Variants in PHLPP1 observed in about 807,000 individuals in gnomAD.
PHLPP1 encodes PH domain and leucine rich repeat protein phosphatase 1.
In PHLPP1, 42 loss-of-function variants were observed where a neutral mutation model predicts 117.2. That is an observed-to-expected ratio of 0.36 (90% confidence interval 0.28 to 0.46). The LOEUF (loss-of-function observed/expected upper bound fraction) is 0.46, where lower values mean the gene tolerates loss of function less well. Among genes scored for constraint, PHLPP1 ranks in the 20% least tolerant of loss-of-function variants. PHLPP1 has a pLI of 1.00. For missense variants in PHLPP1, 2,084 were observed against 2,241.9 expected (o/e 0.93, Z 1.42); for synonymous variants, 1,042 against 970.7 (o/e 1.07, Z -1.37).
intron 1 of PHLPP1, among the ~76,000 whole-genome samples, chr18:62,791,177 A>T (rs1212771746): frequency 6.6e-6 from 1 of 152,108 alleles, no homozygotes; most frequent in Non-Finnish European, 1.5e-5. Context: ...TGTAGTTTTT[A>T]AAAAATTTTG....
chr18:62,749,239 T>A (rs1911771301), intron 1 of PHLPP1, among the ~76,000 whole-genome samples: 1 of 151,944 alleles, frequency 6.6e-6, no homozygotes, highest in Non-Finnish European at 1.5e-5. Flanking sequence ...TAAGGTTTTT[T>A]TTTTTTTTAA....
chr18:62,804,293 C>T lies in PHLPP1; in HGVS notation c.1577-25742C>T, dbSNP rs188417096. ...TTCCCATCAGGTCCCTCCCCTGACA[C>T]GTAAGGGTTACGATTTATGATGAGA... On this transcript the variant is annotated intron_variant, in intron 1 of 16. Coordinates refer to ENST00000262719, the MANE Select transcript of PHLPP1 (RefSeq NM_194449.4). Among the ~76,000 whole-genome samples the T allele has an allele frequency of 4.5e-3, 680 of 152,178 alleles. 3 individuals are homozygous for T. Among genetic ancestry groups the T allele is most frequent in the Non-Finnish European group, 7.0e-3 (473 of 67,994 alleles).
chr18:62,874,967 A>G (rs144170142), intron 4 of PHLPP1, among the ~76,000 whole-genome samples: 65 of 152,030 alleles, frequency 4.3e-4, no homozygotes, highest in Non-Finnish European at 7.4e-5. Flanking sequence ...TATGATTATT[A>G]TATTTGAGAC....
At chr18:62,717,711 C>G (rs1207457323) in intron 1 of PHLPP1, among the ~76,000 whole-genome samples, 1 of 152,152 alleles carries the variant, frequency 6.6e-6, no homozygotes, top group African/African-American at 2.4e-5. Flanking sequence ...AGCGTTCTAG[C>G]TGTATGTGCC....
intron 1 of PHLPP1, among the ~76,000 whole-genome samples, chr18:62,767,935 C>G (rs1018703994): frequency 2.0e-5 from 3 of 152,160 alleles, no homozygotes; most frequent in Non-Finnish European, 2.9e-5. Context: ...CAGTATTTGG[C>G]TGGCACTTAG....
intron 14 of PHLPP1, among the ~76,000 whole-genome samples, chr18:62,965,452 CTTTTTTTTTTTT>C (rs34187461): frequency 1.3e-5 from 1 of 76,144 alleles, no homozygotes; most frequent in African/African-American, 5.6e-5. Context: ...TAATCAGCCT[CTTTTTTTTTTTT>C]TTTTTTTTTT....
At chr18:62,946,654 T>C (rs773633383) in intron 12 of PHLPP1, among the ~76,000 whole-genome samples, 17 of 152,270 alleles carry the variant, frequency 1.1e-4, no homozygotes, top group Admixed American at 3.9e-4. Context: ...TGTGTGTGTG[T>C]GCGCACGCAT....
intron 10 of PHLPP1, among the ~76,000 whole-genome samples, chr18:62,930,217 A>G (rs1182737271): frequency 1.3e-5 from 2 of 152,220 alleles, no homozygotes; most frequent in Non-Finnish European, 2.9e-5. Flanking sequence ...AAGGCATAAT[A>G]TATATCCTAT....
intron 1 of PHLPP1, among the ~76,000 whole-genome samples, chr18:62,753,664 A>C (rs781069103): frequency 1.3e-5 from 2 of 152,228 alleles, no homozygotes; most frequent in African/African-American, 4.8e-5. Flanking sequence ...TGCCCTGTCC[A>C]TGCTGCCCAC....
intron 4 of PHLPP1, among the ~76,000 whole-genome samples, chr18:62,888,091 T>C (rs1292387059): frequency 6.6e-6 from 1 of 152,234 alleles, no homozygotes; most frequent in Non-Finnish European, 1.5e-5. Flanking sequence ...TCCCTGGCTA[T>C]GATTATAAAC....
chr18:62,719,511 C>G (rs191757327), intron 1 of PHLPP1, among the ~76,000 whole-genome samples: 43 of 152,250 alleles, frequency 2.8e-4, no homozygotes, highest in Admixed American at 2.7e-3. Flanking sequence ...GGAAGTGATT[C>G]CTAGAAATGA....
chr18:62,792,590 G>C (rs901230752), intron 1 of PHLPP1, among the ~76,000 whole-genome samples: 1 of 152,026 alleles, frequency 6.6e-6, no homozygotes, highest in Non-Finnish European at 1.5e-5. Context: ...ATGTTTCTAA[G>C]CCAGATGTGG....
chr18:62,946,892 A>G (rs758976114), intron 12 of PHLPP1, among the ~76,000 whole-genome samples: 1 of 152,094 alleles, frequency 6.6e-6, no homozygotes, highest in Non-Finnish European at 1.5e-5. Flanking sequence ...TCTCTACTAA[A>G]AATAGAAAAA....
At chr18:62,871,337 T>G (rs1348310305) in intron 4 of PHLPP1, among the ~76,000 whole-genome samples, 4 of 149,606 alleles carry the variant, frequency 2.7e-5, no homozygotes, top group Non-Finnish European at 6.0e-5. Flanking sequence ...TTTGTTTTTG[T>G]TTTTTTTGAG....
chr18:62,856,538 C>A (rs1473844575), intron 3 of PHLPP1, among the ~76,000 whole-genome samples: 6 of 152,122 alleles, frequency 3.9e-5, no homozygotes, highest in African/African-American at 1.4e-4. Flanking sequence ...AGTGGTCCGT[C>A]CACCTCAGCC....
chr18:62,919,899 G>C, intron 9 of PHLPP1, 60 bp from the exon 10 acceptor site: 1 of 1,229,542 alleles, frequency 8.1e-7, no homozygotes. Flanking sequence ...TTTTGGAGAG[G>C]TAATTTTAAG....
intron 4 of PHLPP1, among the ~76,000 whole-genome samples, chr18:62,881,987 C>T (rs1916184208): frequency 6.6e-6 from 1 of 152,276 alleles, no homozygotes; most frequent in African/African-American, 2.4e-5. Flanking sequence ...ACAGATGAGT[C>T]CGAAAGGAAC....
intron 4 of PHLPP1, among the ~76,000 whole-genome samples, chr18:62,892,082 C>CTTTTTT (rs200141250): frequency 9.3e-6 from 1 of 107,968 alleles, no homozygotes; most frequent in African/African-American, 4.0e-5. Flanking sequence ...TTCTTTCTTT[C>CTTTTTT]TTTTTTTTTT....
intron 4 of PHLPP1, among the ~76,000 whole-genome samples, chr18:62,874,657 GCACA>G (rs71340125): frequency 0.14 from 20,176 of 147,386 alleles, 1,880 homozygotes; most frequent in African/African-American, 0.27. Flanking sequence ...ACGCACGCGC[GCACA>G]CACACACACA....
Sources: allele counts gnomAD v4.1 joint callset (sites outside exome capture counted in the v4.1 genomes callset), GRCh38; gene constraint gnomAD v4.1.1; transcripts MANE v1.5; gene names NCBI Gene and HGNC (gene_info 2026-07-23, HGNC 2026-07-21).